Variants in GALNT17 observed in about 807,000 individuals in gnomAD.
GALNT17 encodes the protein UDP-GalNAc:polypeptide N-acetylgalactosaminyltransferase-like 3.
GALNT17 carries 29 observed loss-of-function variants against 63.7 expected under a neutral mutation model. That is an observed-to-expected ratio of 0.46 (90% CI 0.34 to 0.62). The LOEUF is 0.62. Ranked by LOEUF, GALNT17 falls within the 20% of genes least tolerant of loss-of-function variation. The pLI is 0.01. For synonymous variants in GALNT17, 305 were observed against 318.3 expected (o/e 0.96, Z 0.45); for missense variants, 603 against 799.6 (o/e 0.75, Z 2.97).
chr7:71,317,791 G>A (rs903995867), intron 1 of GALNT17, among the ~76,000 whole-genome samples: 5 of 152,082 alleles, frequency 3.3e-5, no homozygotes, highest in African/African-American at 9.7e-5. Context: ...TACATCTGGC[G>A]GATACACCCT....
chr7:71,242,260 CTTTTTCTTTTTCTTTTTTTTTTTTTT>C (rs1562941421), intron 1 of GALNT17, among the ~76,000 whole-genome samples: 137 of 117,184 alleles, frequency 1.2e-3, no homozygotes, highest in Non-Finnish European at 1.8e-3. Flanking sequence ...TTTTTTTTTT[CTTTTTCTTTTTCTTTTTTTTTTTTTT>C]TGAGACAGAG....
chr7:71,650,572 G>A (rs955065950), intron 6 of GALNT17, among the ~76,000 whole-genome samples: 4 of 152,296 alleles, frequency 2.6e-5, no homozygotes, highest in South Asian at 2.1e-4. Context: ...GGACAGACCC[G>A]TCCTCTTCAG....
chr7:71,583,939 A>G (rs901372596), intron 6 of GALNT17, among the ~76,000 whole-genome samples: 3 of 151,582 alleles, frequency 2.0e-5, no homozygotes, highest in East Asian at 1.9e-4. Flanking sequence ...CCTGGCTAAC[A>G]TGGTGAAACC....
At chr7:71,509,275 T>G (rs971004835) in intron 5 of GALNT17, among the ~76,000 whole-genome samples, 7 of 152,232 alleles carry the variant, frequency 4.6e-5, no homozygotes, top group Non-Finnish European at 7.3e-5. Flanking sequence ...ACATGTAATA[T>G]AGCCTAGGCT....
At chr7:71,631,709 A>T (rs984889760) in intron 6 of GALNT17, among the ~76,000 whole-genome samples, 3 of 150,592 alleles carry the variant, frequency 2.0e-5, no homozygotes, top group African/African-American at 7.3e-5. Context: ...ATTTGCCGTC[A>T]TGTAGATCTT....
At chr7:71,343,167 A>T (rs1037321657) in intron 2 of GALNT17, among the ~76,000 whole-genome samples, 2 of 152,362 alleles carry the variant, frequency 1.3e-5, no homozygotes, top group Middle Eastern at 3.4e-3. Context: ...TCTTGCCTGT[A>T]GAAGCAACTT....
At chr7:71,408,923 T>A (rs551413491) in intron 3 of GALNT17, among the ~76,000 whole-genome samples, 2 of 151,702 alleles carry the variant, frequency 1.3e-5, no homozygotes, top group Non-Finnish European at 2.9e-5. Context: ...TATGTATGTA[T>A]GTATTTATAT....
At chr7:71,701,856 CACATATATATAT>C (rs1562742509) in intron 9 of GALNT17, among the ~76,000 whole-genome samples, 11 of 13,862 alleles carry the variant, frequency 7.9e-4, no homozygotes, top group South Asian at 2.2e-3. Context: ...TATATATATA[CACATATATATAT>C]ACATATATAT....
chr7:71,551,644 G>A (rs988269660), intron 5 of GALNT17, among the ~76,000 whole-genome samples: 4 of 151,978 alleles, frequency 2.6e-5, no homozygotes, highest in African/African-American at 9.7e-5. Context: ...GCACAGACCT[G>A]TAGTCCTAGC....
At chr7:71,310,971 C>T (rs533132135) in intron 1 of GALNT17, among the ~76,000 whole-genome samples, 1 of 152,324 alleles carries the variant, frequency 6.6e-6, no homozygotes, top group South Asian at 2.1e-4. Flanking sequence ...CAGGAGGTAA[C>T]ACCAGTGAGC....
chr7:71,551,980 G>A (rs1252447289), intron 5 of GALNT17, among the ~76,000 whole-genome samples: 2 of 151,928 alleles, frequency 1.3e-5, no homozygotes, highest in Non-Finnish European at 1.5e-5. Flanking sequence ...CAGTTTGGGA[G>A]AGAGGCCAGG....
At chr7:71,163,139 G>T (rs1788378502) in intron 1 of GALNT17, among the ~76,000 whole-genome samples, 2 of 152,338 alleles carry the variant, frequency 1.3e-5, no homozygotes, top group Middle Eastern at 3.4e-3. Context: ...GAGAAAGAGA[G>T]TAGTTAAGAA....
At chr7:71,384,229 T>C (rs1405890780) in intron 2 of GALNT17, among the ~76,000 whole-genome samples, 2 of 152,188 alleles carry the variant, frequency 1.3e-5, no homozygotes, top group Non-Finnish European at 2.9e-5. Flanking sequence ...ATTAGTGATG[T>C]TGAGCAGAGA....
chr7:71,489,685 G>C (rs544422710), intron 5 of GALNT17, among the ~76,000 whole-genome samples: 19 of 152,326 alleles, frequency 1.2e-4, no homozygotes, highest in Middle Eastern at 3.4e-3. Context: ...ACATACAGGG[G>C]AGAGAGTCCA....
Position 71,436,126 on chromosome 7 carries a change from A to G in GALNT17, c.962+15021A>G, listed in dbSNP as rs573397762. 3.9e-5 allele frequency among the ~76,000 whole-genome samples: 6 copies of G among 152,210 alleles called. No individual in the cohort carries two copies. In the East Asian group the frequency reaches 9.7e-4, roughly 25 times the overall value. On this transcript the variant is annotated intron_variant, in intron 5 of 10. Transcript: ENST00000333538. The stretch of plus-strand genomic sequence containing the variant: ...TCCCAGACAGCTGGCTCTGGTGCGA[A>G]TTACTCTTTCTCTGTTGCAATTCCC...
intron 5 of GALNT17, among the ~76,000 whole-genome samples, chr7:71,501,415 C>T (rs575153610): frequency 4.0e-4 from 61 of 152,230 alleles, no homozygotes; most frequent in African/African-American, 1.4e-3. Flanking sequence ...CAGGCATCTG[C>T]CACCATGCCT....
intron 6 of GALNT17, among the ~76,000 whole-genome samples, chr7:71,660,838 CTCA>C (rs1790897243): frequency 6.6e-6 from 1 of 152,226 alleles, no homozygotes; most frequent in Admixed American, 6.5e-5. Context: ...TTCACATCAG[CTCA>C]TCATCACTTA....
At chr7:71,423,959 C>T (rs907471745) in intron 5 of GALNT17, among the ~76,000 whole-genome samples, 4 of 152,000 alleles carry the variant, frequency 2.6e-5, no homozygotes, top group South Asian at 2.1e-4. Flanking sequence ...TTGAAAAGTT[C>T]GTTATTTTTC....
chr7:71,594,096 A>T (rs1362144950), intron 6 of GALNT17, among the ~76,000 whole-genome samples: 1 of 151,876 alleles, frequency 6.6e-6, no homozygotes, highest in Admixed American at 6.6e-5. Flanking sequence ...AAAATCAGCC[A>T]TCTCTTTGGG....
Sources: allele counts gnomAD v4.1 joint callset (sites outside exome capture counted in the v4.1 genomes callset), GRCh38; gene constraint gnomAD v4.1.1; transcripts MANE v1.5; gene names NCBI Gene and HGNC (gene_info 2026-07-23, HGNC 2026-07-21).